The following DACH2 variants were observed in gnomAD, a reference collection of about 807,000 sequenced individuals.
The protein encoded by DACH2 is dachshund homolog 2.
DACH2 carries 17 observed loss-of-function variants against 35.8 expected under a neutral mutation model. The ratio of observed to expected loss-of-function variants is 0.48; its 90% CI spans 0.33 to 0.71. DACH2 has a LOEUF of 0.71. DACH2 is among the 30% of genes least tolerant of loss of function. DACH2 has a pLI of 0.02. For missense variants in DACH2, 469 were observed against 472.7 expected (o/e 0.99, Z 0.07); for synonymous variants, 195 against 177.3 (o/e 1.10, Z -0.79).
intron 1 of DACH2, among the ~76,000 whole-genome samples, chrX:86,279,960 A>C (rs2033992658): frequency 9.1e-6 from 1 of 109,786 alleles, no homozygotes. Context: ...ATTTGAAAAG[A>C]CCAAACCTAC....
intron 4 of DACH2, among the ~76,000 whole-genome samples, chrX:86,660,146 G>A (rs773503220): frequency 1.8e-5 from 2 of 111,300 alleles, no homozygotes; most frequent in South Asian, 7.5e-4. Flanking sequence ...TGCCCCTGCT[G>A]GGAACTCTCT....
At chrX:86,555,726 A>G (rs762093621) in intron 3 of DACH2, among the ~76,000 whole-genome samples, 9 of 111,676 alleles carry the variant, frequency 8.1e-5, no homozygotes, top group Non-Finnish European at 1.5e-4. Flanking sequence ...ATTAGAAACT[A>G]CAATTAATTG....
At chrX:86,651,336 AC>A (rs1240374473) in intron 4 of DACH2, among the ~76,000 whole-genome samples, 169 bp downstream of exon 4, 1 of 111,908 alleles carries the variant, frequency 8.9e-6, no homozygotes, top group African/African-American at 3.2e-5. Context: ...AAATTAGAAA[AC>A]AGTTACAAGT....
intron 7 of DACH2, among the ~76,000 whole-genome samples, chrX:86,763,422 C>T (rs934900497): frequency 3.6e-5 from 4 of 112,078 alleles, no homozygotes; most frequent in Admixed American, 9.4e-5. Flanking sequence ...CAAAACAAAT[C>T]TATGGTGTTA....
At chrX:86,727,652 G>A (rs2041485166) in intron 6 of DACH2, among the ~76,000 whole-genome samples, 1 of 110,368 alleles carries the variant, frequency 9.1e-6, no homozygotes, top group Admixed American at 9.7e-5. Context: ...ACAAGATCTA[G>A]TTGTTTAAAA....
intron 3 of DACH2, among the ~76,000 whole-genome samples, chrX:86,595,318 G>T (rs1165261328): frequency 9.0e-6 from 1 of 110,557 alleles, no homozygotes; most frequent in Non-Finnish European, 1.9e-5. Flanking sequence ...TTGCTATTTT[G>T]CTCAAGCTGT....
At chrX:86,769,554 T>C (rs1423251590) in intron 7 of DACH2, among the ~76,000 whole-genome samples, 12 of 111,929 alleles carry the variant, frequency 1.1e-4, no homozygotes, top group African/African-American at 3.9e-4. Context: ...AACTAATTTT[T>C]AGAAAAGTGC....
chrX:86,229,708 ATTT>A (rs137864672), intron 1 of DACH2, among the ~76,000 whole-genome samples: 8,249 of 95,262 alleles, frequency 0.087, 844 homozygotes, highest in African/African-American at 0.29. Flanking sequence ...ATTCCTAAGT[ATTT>A]TTTTTTTTTT....
chrX:86,663,139 A>G (rs909108919), intron 4 of DACH2, among the ~76,000 whole-genome samples: 1 of 111,640 alleles, frequency 9.0e-6, no homozygotes, highest in Non-Finnish European at 1.9e-5. Context: ...TATTAAGACC[A>G]TTGACTCTCG....
rs1038836443 is a variant in DACH2 at position 86,624,386 on chromosome X, T to C, written c.641-26650T>C. ...CATGGCAATTTAAAAAAATGGCACA[T>C]AAACTATACTAAGATTCTGTGTTTC... On this transcript the variant is annotated intron_variant, in intron 3 of 11. Transcript: ENST00000373125. Among the ~76,000 whole-genome samples, 3 of 112,026 alleles carry C rather than the reference T, an allele frequency of 2.7e-5. No individual in the cohort carries two copies. The East Asian group carries it at 8.4e-4, about 31-fold the overall frequency.
chrX:86,737,606 A>G (rs1004275310), intron 6 of DACH2, among the ~76,000 whole-genome samples: 68 of 111,655 alleles, frequency 6.1e-4, no homozygotes, highest in African/African-American at 2.1e-3. Context: ...GTGGTTTAAC[A>G]CAGTGCAAAT....
At chrX:86,604,057 T>G in intron 3 of DACH2, among the ~76,000 whole-genome samples, 1 of 111,331 alleles carries the variant, frequency 9.0e-6, no homozygotes, top group Non-Finnish European at 1.9e-5. Flanking sequence ...GGCTCAGAAT[T>G]TGGCCAGTTT....
chrX:86,654,187 TAAAAAAAA>T (rs764775335), intron 4 of DACH2, among the ~76,000 whole-genome samples: 6 of 40,450 alleles, frequency 1.5e-4, no homozygotes, highest in African/African-American at 3.2e-4. Context: ...ACATTTTTAG[TAAAAAAAA>T]AAAAAAAAAA....
chrX:86,814,010 T>C (rs1222479952), intron 9 of DACH2, among the ~76,000 whole-genome samples: 3 of 111,542 alleles, frequency 2.7e-5, no homozygotes, highest in African/African-American at 9.8e-5. Context: ...GTGATAGGAA[T>C]TTCGCGCTCC....
chrX:86,562,170 A>C (rs1009120126), intron 3 of DACH2, among the ~76,000 whole-genome samples: 3 of 110,950 alleles, frequency 2.7e-5, no homozygotes, highest in Non-Finnish European at 5.7e-5. Context: ...CCAGGTATTA[A>C]TAGTAACTAT....
At chrX:86,776,582 A>T in intron 7 of DACH2, among the ~76,000 whole-genome samples, 1 of 111,474 alleles carries the variant, frequency 9.0e-6, no homozygotes. Flanking sequence ...CTGGGACAAA[A>T]GTTTTTATTA....
rs753545913 is a variant in DACH2, at chrX:86,284,170, A to G, written c.489-92654A>G. Among the ~76,000 whole-genome samples the G allele has an allele frequency of 4.5e-5, 5 of 111,565 alleles. No individual in the cohort carries two copies. The South Asian group carries it at 1.9e-3, about 42-fold the overall frequency. On this transcript the variant is annotated intron_variant, in intron 1 of 11. Transcript: ENST00000373125. ...AGTGATGAAAGTGGGCATTCTTGTC[A>G]TGTTCCAGATCTTAAAGGAAAGGCT...
intron 2 of DACH2, among the ~76,000 whole-genome samples, chrX:86,424,792 G>C (rs1303512353): frequency 9.0e-6 from 1 of 111,184 alleles, no homozygotes. Context: ...TTTTTCCCCA[G>C]TTAGTATGAC....
chrX:86,725,217 A>AT (rs2041452930), intron 6 of DACH2, among the ~76,000 whole-genome samples: 2 of 110,552 alleles, frequency 1.8e-5, no homozygotes. Flanking sequence ...TTCCTGAACA[A>AT]TTTTTTATGG....
Sources: gnomAD v4.1 joint callset for allele counts (sites outside exome capture counted in the v4.1 genomes callset) on GRCh38, gnomAD v4.1.1 for gene constraint, MANE v1.5 for transcripts, NCBI Gene and HGNC (gene_info 2026-07-23, HGNC 2026-07-21) for gene names.